Variants in ANKFN1 observed in about 807,000 individuals in gnomAD.
ANKFN1 encodes ankyrin repeat and fibronectin type III domain containing 1.
ANKFN1 carries 74 observed loss-of-function variants against 108.7 expected under a neutral mutation model. The observed-to-expected ratio is 0.68, with a 90% confidence interval of 0.56 to 0.83. The LOEUF is 0.83. ANKFN1 is among the 40% of genes least tolerant of loss of function. The pLI is 0.00. For missense variants in ANKFN1, 1,505 were observed against 1,382.3 expected (o/e 1.09, Z -1.41); for synonymous variants, 547 against 516.2 (o/e 1.06, Z -0.81).
intron 3 of ANKFN1, among the ~76,000 whole-genome samples, chr17:56,282,154 A>T (rs2044099072): frequency 6.6e-6 from 1 of 152,214 alleles, no homozygotes; most frequent in South Asian, 2.1e-4. Flanking sequence ...AAAGCAATAA[A>T]CTACTAATAC....
At chr17:56,430,701 T>A (rs912746421) in intron 8 of ANKFN1, among the ~76,000 whole-genome samples, 5 of 152,170 alleles carry the variant, frequency 3.3e-5, no homozygotes, top group African/African-American at 1.2e-4. Context: ...CCAAAAGTAT[T>A]TATTGATCTT....
At chr17:56,469,299 A>G (rs975469193) in intron 15 of ANKFN1, among the ~76,000 whole-genome samples, 1 of 151,638 alleles carries the variant, frequency 6.6e-6, no homozygotes, top group Non-Finnish European at 1.5e-5. Context: ...TAGAGAGGAA[A>G]TGGGGAATAA....
At chr17:56,118,239 T>C (rs1212000900) in intron 4 of ANKFN1, among the ~76,000 whole-genome samples, 1 of 152,154 alleles carries the variant, frequency 6.6e-6, no homozygotes, top group African/African-American at 2.4e-5. Flanking sequence ...CTTCTGGATA[T>C]ACATCTACAA....
intron 4 of ANKFN1, among the ~76,000 whole-genome samples, chr17:56,073,118 A>G (rs974087352): frequency 5.3e-5 from 8 of 150,604 alleles, no homozygotes; most frequent in African/African-American, 1.7e-4. Context: ...TCAGCCTCCC[A>G]AGTAGCTGGG....
intron 4 of ANKFN1, among the ~76,000 whole-genome samples, chr17:56,055,921 A>G (rs892394503): frequency 6.6e-6 from 1 of 151,914 alleles, no homozygotes; most frequent in Non-Finnish European, 1.5e-5. Context: ...AGCCATTCTG[A>G]CTAGCATAAG....
At chr17:56,107,325 C>A (rs1905769303) in intron 4 of ANKFN1, among the ~76,000 whole-genome samples, 1 of 152,066 alleles carries the variant, frequency 6.6e-6, no homozygotes, top group South Asian at 2.1e-4. Flanking sequence ...GGTTTTAGAT[C>A]TTGTCAAAAT....
intron 8 of ANKFN1, among the ~76,000 whole-genome samples, chr17:56,439,732 T>A (rs1488761148): frequency 6.6e-6 from 1 of 152,170 alleles, no homozygotes; most frequent in Admixed American, 6.6e-5. Context: ...AGGAGGCTTC[T>A]TTATTTGGAG....
intron 4 of ANKFN1, among the ~76,000 whole-genome samples, chr17:56,064,862 G>T (rs11651433): frequency 0.52 from 79,237 of 151,972 alleles, 23,076 homozygotes; most frequent in Middle Eastern, 0.68. Context: ...GTGGATTCAC[G>T]AATGGGATCT....
At chr17:56,108,530 G>A (rs973396777) in intron 4 of ANKFN1, among the ~76,000 whole-genome samples, 4 of 152,180 alleles carry the variant, frequency 2.6e-5, no homozygotes, top group African/African-American at 9.7e-5. Context: ...ATAACCCCAT[G>A]AGAAGAGTAC....
chr17:56,442,980 C>T, intron 10 of ANKFN1, 47 bp downstream of exon 10: 1 of 1,580,988 alleles, frequency 6.3e-7, no homozygotes, highest in Non-Finnish European at 8.7e-7. Context: ...CAGACTCCAA[C>T]TGCAACTCCA....
intron 14 of ANKFN1, among the ~76,000 whole-genome samples, chr17:56,460,123 C>T (rs903825103): frequency 2.6e-5 from 4 of 151,774 alleles, no homozygotes; most frequent in African/African-American, 9.7e-5. Flanking sequence ...AATTCTCACA[C>T]GTAATGTTAG....
At chr17:56,407,998 G>A (rs1027578053) in intron 8 of ANKFN1, among the ~76,000 whole-genome samples, 2 of 135,732 alleles carry the variant, frequency 1.5e-5, no homozygotes, top group African/African-American at 5.5e-5. Flanking sequence ...GCAGTGGCGT[G>A]ATTTCGGCTC....
intron 3 of ANKFN1, among the ~76,000 whole-genome samples, chr17:56,244,636 A>T (rs1917829038): frequency 6.6e-6 from 1 of 152,162 alleles, no homozygotes. Flanking sequence ...GAATCCAGGC[A>T]GGCTGCATAT....
chr17:56,364,690 T>G (rs981929750), intron 6 of ANKFN1, among the ~76,000 whole-genome samples: 1 of 152,242 alleles, frequency 6.6e-6, no homozygotes, highest in Non-Finnish European at 1.5e-5. Flanking sequence ...CTGTGTCATT[T>G]GTTCTGGCTT....
intron 4 of ANKFN1, among the ~76,000 whole-genome samples, chr17:56,345,903 T>G (rs983211679): frequency 1.6e-4 from 24 of 152,184 alleles, no homozygotes; most frequent in Admixed American, 3.3e-4. Flanking sequence ...TTAGCTCCCA[T>G]TTGTCAATTT....
Position 56,511,459 on chromosome 17 carries a change from C to A in ANKFN1, c.*190C>A. On this transcript the variant is annotated 3_prime_UTR_variant, in exon 21 of 21. Coordinates refer to ENST00000682825, the MANE Select transcript of ANKFN1 (RefSeq NM_001370326.1). ...TGGGTGGAGGCCAGAGTTGCCAGTG[C>A]CATTCCCACTTCAGCCTAGAAAGGG... is the stretch of plus-strand genomic sequence containing the variant. 1 of 633,110 alleles carries A rather than the reference C, an allele frequency of 1.6e-6. No individual in the cohort carries two copies. Among genetic ancestry groups the A allele is most frequent in the Admixed American group, 3.2e-5 (1 of 31,502 alleles). 39.2% of individuals were successfully genotyped at this position (633,110 alleles called of 1,614,324 possible). A position where few individuals can be genotyped will look rare whatever the true frequency, so the allele number is the denominator to read the frequency against.
At chr17:56,208,042 G>T (rs1280729487) in intron 1 of ANKFN1, among the ~76,000 whole-genome samples, 1 of 152,134 alleles carries the variant, frequency 6.6e-6, no homozygotes, top group African/African-American at 2.4e-5. Context: ...AGTCTCACTT[G>T]CTCTGCACCC....
chr17:56,396,130 C>T (rs2047576860), intron 8 of ANKFN1, among the ~76,000 whole-genome samples: 2 of 152,146 alleles, frequency 1.3e-5, no homozygotes. Flanking sequence ...TCATCTACAC[C>T]CTACTGTTTG....
intron 1 of ANKFN1, among the ~76,000 whole-genome samples, chr17:56,182,042 C>G (rs1911730013): frequency 1.3e-5 from 2 of 152,168 alleles, no homozygotes; most frequent in Admixed American, 6.6e-5. Context: ...TGATAGCAAA[C>G]TTAATCAACA....
Sources: allele counts gnomAD v4.1 joint callset (sites outside exome capture counted in the v4.1 genomes callset), GRCh38; gene constraint gnomAD v4.1.1; transcripts MANE v1.5; gene names NCBI Gene and HGNC (gene_info 2026-07-23, HGNC 2026-07-21).